Variants in KANSL1 observed in about 807,000 individuals in gnomAD.
The protein encoded by KANSL1 is KAT8 regulatory NSL complex subunit 1.
A neutral mutation model predicts 103.6 loss-of-function variants in KANSL1; 22 were observed. That is an observed-to-expected ratio of 0.21 (90% CI 0.15 to 0.30). The LOEUF is 0.30. KANSL1 is among the 10% of genes least tolerant of loss of function. The probability of loss-of-function intolerance (pLI) is 1.00; values close to 1 mark genes in which losing one functional copy is unlikely to be tolerated. For synonymous variants in KANSL1, 600 were observed against 527.6 expected, an observed-to-expected ratio of 1.14 and a Z score of -1.88; for missense variants, 1,337 against 1,399.8, an observed-to-expected ratio of 0.96 and a Z score of 0.72.
intron 2 of KANSL1, 52 bp downstream of exon 2, chr17:46,170,803 T>C: frequency 1.3e-6 from 2 of 1,503,192 alleles, no homozygotes; most frequent in South Asian, 1.3e-5. Flanking sequence ...TCATTCATTC[T>C]TCCTTGTGCC....
chr17:46,168,802 C>G (rs552516869), intron 2 of KANSL1, among the ~76,000 whole-genome samples: 37 of 152,352 alleles, frequency 2.4e-4, no homozygotes, highest in African/African-American at 8.7e-4. Context: ...TTCCTAAAAG[C>G]CATCCTTTGG....
chr17:46,029,983 CT>C lies in KANSL1; in HGVS notation c.*1492del, dbSNP rs1282203616. ...TTTTTTTTTTAAGCACTAGTCTGTG[CT>C]TTGCGAACAGAATCAAGACATTAAC... On this transcript the variant is annotated 3_prime_UTR_variant, in exon 15 of 15. Coordinates refer to ENST00000432791, the MANE Select transcript of KANSL1 (RefSeq NM_015443.4). The C allele has an allele frequency of 6.8e-6, 1 of 147,782 alleles. No homozygotes were observed. Among genetic ancestry groups the C allele is most frequent in the African/African-American group, 2.5e-5 (1 of 39,802 alleles). The allele number at this position is 147,782 out of a possible 1,614,324, so 9.2% of individuals were successfully genotyped here. A position where few individuals can be genotyped will look rare whatever the true frequency, so the allele number is the denominator to read the frequency against.
intron 2 of KANSL1, among the ~76,000 whole-genome samples, chr17:46,121,067 C>T (rs1323103881): frequency 6.6e-6 from 1 of 152,168 alleles, no homozygotes; most frequent in African/African-American, 2.4e-5. Flanking sequence ...ATCCTACCTG[C>T]TCTAACTTCA....
At chr17:46,127,958 G>A (rs984699076) in intron 2 of KANSL1, among the ~76,000 whole-genome samples, 4 of 151,730 alleles carry the variant, frequency 2.6e-5, no homozygotes, top group African/African-American at 7.3e-5. Context: ...CAATAACTAC[G>A]AAGATACCCA....
At chr17:46,119,386 C>A (rs1438054700) in intron 2 of KANSL1, among the ~76,000 whole-genome samples, 1 of 151,522 alleles carries the variant, frequency 6.6e-6, no homozygotes, top group Middle Eastern at 3.4e-3. Flanking sequence ...TGGTTCACTG[C>A]AACCTCCGCT....
chr17:46,212,741 C>T (rs12103780), intron 1 of KANSL1, among the ~76,000 whole-genome samples: 4,449 of 152,160 alleles, frequency 0.029, 180 homozygotes, highest in African/African-American at 0.089. Flanking sequence ...AATTAAAGAA[C>T]GTTTTTAATT....
intron 11 of KANSL1, among the ~76,000 whole-genome samples, chr17:46,033,732 C>G (rs2077073965): frequency 6.6e-6 from 1 of 152,156 alleles, no homozygotes; most frequent in Non-Finnish European, 1.5e-5. Flanking sequence ...AGAAAAGAAA[C>G]CTGTTTAAAG....
At chr17:46,126,113 G>A (rs758460240) in intron 2 of KANSL1, among the ~76,000 whole-genome samples, 16 of 151,922 alleles carry the variant, frequency 1.1e-4, no homozygotes, top group Admixed American at 7.9e-4. Flanking sequence ...AGTAAAAGTC[G>A]GCCGGGCACA....
intron 6 of KANSL1, among the ~76,000 whole-genome samples, chr17:46,064,149 A>G (rs1287361246): frequency 2.0e-5 from 3 of 151,418 alleles, no homozygotes; most frequent in East Asian, 1.9e-4. Context: ...TGCTATTTTG[A>G]TATTTCAGGT....
intron 2 of KANSL1, among the ~76,000 whole-genome samples, chr17:46,112,186 G>T (rs1483572371): frequency 6.6e-6 from 1 of 152,002 alleles, no homozygotes; most frequent in Non-Finnish European, 1.5e-5. Flanking sequence ...GACCAACATG[G>T]TGAAACCCCA....
Position 46,066,523 on chromosome 17 carries a change from T to C in KANSL1, c.1848+14A>G. On this transcript the variant is annotated intron_variant, in intron 6 of 14. Coordinates refer to ENST00000432791, the MANE Select transcript of KANSL1 (RefSeq NM_015443.4). Reference sequence around the variant, plus strand: ...CTCACTGCTTGACAATGACCAACTCTCATCTGTACCGACCTTCTTGGAAAG... The same window carrying C: ...CTCACTGCTTGACAATGACCAACTCCCATCTGTACCGACCTTCTTGGAAAG... 1 of 1,589,114 alleles carries C rather than the reference T, an allele frequency of 6.3e-7. No individual in the cohort carries two copies. Among genetic ancestry groups the C allele is most frequent in the Non-Finnish European group, 8.6e-7 (1 of 1,163,970 alleles).
At chr17:46,115,449 T>C (rs577276340) in intron 2 of KANSL1, among the ~76,000 whole-genome samples, 2 of 146,436 alleles carry the variant, frequency 1.4e-5, no homozygotes, top group Admixed American at 6.9e-5. Context: ...AGCTATCGAG[T>C]GTCAACAGTT....
intron 2 of KANSL1, among the ~76,000 whole-genome samples, chr17:46,151,009 T>C (rs914085448): frequency 5.3e-5 from 8 of 151,676 alleles, no homozygotes; most frequent in South Asian, 2.1e-4. Context: ...TCTCATAACA[T>C]AGACAAGTTC....
chr17:46,094,820 G>GAA, intron 2 of KANSL1, 119 bp from the exon 3 acceptor site: 1 of 1,192,528 alleles, frequency 8.4e-7, no homozygotes, highest in Non-Finnish European at 1.2e-6. Flanking sequence ...CTAGTGTCAA[G>GAA]AAAAACCCAA....
Position 46,171,485 on chromosome 17 carries a change from G to A in KANSL1, c.659C>T (p.Thr220Ile), listed in dbSNP as rs1567763338. 8 of 1,614,144 alleles carry A rather than the reference G, an allele frequency of 5.0e-6. No individual in the cohort carries two copies. The highest frequency in any genetic ancestry group is 6.8e-6 in the Non-Finnish European group (8 of 1,180,032). The part of the protein sequence containing the change: ...LPHRSLDVEH[T>I]TLYSNNSTAN... ...AGTGCTATTATTGCTATACAAAGTT[G>A]TGTGTTCTACATCAAGGCTTCTATG... Residue 220 changes from threonine (T) to isoleucine (I), a missense_variant, in exon 2 of 15, where the codon ACA becomes ATA. By Grantham distance (89) the Thr-to-Ile change is moderately conservative (BLOSUM62 -1). Coordinates refer to ENST00000432791, the MANE Select transcript of KANSL1 (RefSeq NM_015443.4).
chr17:46,032,999 A>G, intron 13 of KANSL1, 81 bp downstream of exon 13: 1 of 1,065,316 alleles, frequency 9.4e-7, no homozygotes. Flanking sequence ...GGCAGTAGCA[A>G]TTCCATGGAC....
At chr17:46,048,167 A>G (rs1162657228) in intron 7 of KANSL1, among the ~76,000 whole-genome samples, 1 of 152,018 alleles carries the variant, frequency 6.6e-6, no homozygotes, top group Non-Finnish European at 1.5e-5. Flanking sequence ...CACGGCCTCC[A>G]AAAGTGCCAG....
intron 11 of KANSL1, 102 bp downstream of exon 11, chr17:46,034,059 C>T: frequency 7.2e-7 from 1 of 1,394,854 alleles, no homozygotes; most frequent in Non-Finnish European, 9.8e-7. Flanking sequence ...AATGAGAAGA[C>T]AGAACCAAAG....
intron 1 of KANSL1, among the ~76,000 whole-genome samples, chr17:46,186,174 G>A (rs998049841): frequency 2.8e-4 from 42 of 150,446 alleles, no homozygotes; most frequent in Admixed American, 9.3e-4. Context: ...AGGAGATCGA[G>A]ACCATCCTGG....
Sources: gnomAD v4.1 joint callset for allele counts (sites outside exome capture counted in the v4.1 genomes callset) on GRCh38, gnomAD v4.1.1 for gene constraint, MANE v1.5 for transcripts, NCBI Gene and HGNC (gene_info 2026-07-23, HGNC 2026-07-21) for gene names.